KIF16B: variants seen among roughly 807,000 people sequenced by gnomAD.
KIF16B encodes the protein kinesin-like protein KIF16B.
In KIF16B, 98 loss-of-function variants were observed where a neutral mutation model predicts 156.3. That is an observed-to-expected ratio of 0.63 (90% confidence interval 0.53 to 0.74). KIF16B has a LOEUF of 0.74. KIF16B is among the 30% of genes least tolerant of loss of function. KIF16B has a pLI of 0.00. For synonymous variants in KIF16B, 564 were observed against 583.7 expected, an observed-to-expected ratio of 0.97 and a Z score of 0.49; for missense variants, 1,421 against 1,606.5, an observed-to-expected ratio of 0.88 and a Z score of 1.97.
chr20:16,567,492 T>C (rs1385548355), intron 1 of KIF16B, among the ~76,000 whole-genome samples: 1 of 152,196 alleles, frequency 6.6e-6, no homozygotes, highest in Non-Finnish European at 1.5e-5. Context: ...CCTGAGGCCA[T>C]GGGCTTCTGT....
chr20:16,522,083 A>C lies in KIF16B; in HGVS notation c.231+4009T>G, dbSNP rs987003939. On this transcript the variant is annotated intron_variant, in intron 3 of 25. Coordinates refer to ENST00000354981, the MANE Select transcript of KIF16B (RefSeq NM_024704.5). ...TGCAAAAACATACCAAATTGTAAAG[A>C]CCATCGACACCATGAAGAAACTGCA... Among the ~76,000 whole-genome samples the C allele has an allele frequency of 9.2e-5, 14 of 152,354 alleles. No homozygotes were observed. In the South Asian group the frequency reaches 2.9e-3, roughly 32 times the overall value.
At chr20:16,453,511 T>C (rs984627341) in intron 12 of KIF16B, among the ~76,000 whole-genome samples, 2 of 151,750 alleles carry the variant, frequency 1.3e-5, no homozygotes, top group African/African-American at 4.8e-5. Context: ...CCAAAGAAGA[T>C]AAAATGGATA....
chr20:16,471,468 T>A (rs1482848516), intron 12 of KIF16B, among the ~76,000 whole-genome samples: 1 of 152,150 alleles, frequency 6.6e-6, no homozygotes, highest in Non-Finnish European at 1.5e-5. Context: ...ACGTGGTAAA[T>A]GGTATAATTT....
At chr20:16,353,986 T>G (rs1436945317) in intron 23 of KIF16B, among the ~76,000 whole-genome samples, 1 of 152,154 alleles carries the variant, frequency 6.6e-6, no homozygotes, top group Admixed American at 6.5e-5. Context: ...GAACTTGCTT[T>G]GAGAAATGCA....
In KIF16B at chr20:16,431,868, TATATATAC is replaced by T. The variant is rs542944786; in HGVS notation, c.1303-1894_1303-1887del. Among the ~76,000 whole-genome samples the T allele has an allele frequency of 4.3e-3, 618 of 143,996 alleles. 3 individuals are homozygous for T. Among genetic ancestry groups the T allele is most frequent in the Middle Eastern group, 0.022 (6 of 276 alleles). 94.5% of individuals were successfully genotyped at this position (143,996 alleles called of 152,430 possible). A position where few individuals can be genotyped will look rare whatever the true frequency, so the allele number is the denominator to read the frequency against. On this transcript the variant is annotated intron_variant, in intron 12 of 25. Coordinates refer to ENST00000354981, the MANE Select transcript of KIF16B (RefSeq NM_024704.5). ...GGGAATGGCTATTAGTGTGTATATA[TATATATAC>T]ATATATATATATACTATCCATTTAT...
chr20:16,289,390 T>G (rs528337675), intron 25 of KIF16B, among the ~76,000 whole-genome samples: 1 of 152,190 alleles, frequency 6.6e-6, no homozygotes, highest in Non-Finnish European at 1.5e-5. Context: ...TTTTAAATGT[T>G]TGGAAACACA....
chr20:16,311,415 G>T (rs984978742), intron 25 of KIF16B, among the ~76,000 whole-genome samples: 1 of 152,214 alleles, frequency 6.6e-6, no homozygotes, highest in Non-Finnish European at 1.5e-5. Flanking sequence ...TTGAATCTGA[G>T]GGGTGGAGGT....
intron 15 of KIF16B, among the ~76,000 whole-genome samples, chr20:16,406,899 A>G (rs1600310257): frequency 6.6e-6 from 1 of 152,264 alleles, no homozygotes; most frequent in East Asian, 1.9e-4. Context: ...TTCAAAAGAA[A>G]ACGTATGGAA....
At chr20:16,325,969 G>C (rs1450488049) in intron 24 of KIF16B, among the ~76,000 whole-genome samples, 1 of 152,082 alleles carries the variant, frequency 6.6e-6, no homozygotes, top group Non-Finnish European at 1.5e-5. Flanking sequence ...CAACACAACA[G>C]AATAGAGAAC....
chr20:16,558,739 A>G (rs183594988), intron 1 of KIF16B, among the ~76,000 whole-genome samples: 1 of 152,262 alleles, frequency 6.6e-6, no homozygotes, highest in East Asian at 1.9e-4. Context: ...CCCTGTTTCC[A>G]TTAAAAATAC....
chr20:16,556,520 G>A (rs1289951048), intron 1 of KIF16B, among the ~76,000 whole-genome samples: 1 of 152,116 alleles, frequency 6.6e-6, no homozygotes, highest in African/African-American at 2.4e-5. Context: ...TGCCCCCTGG[G>A]ATTCTGTTCT....
intron 12 of KIF16B, among the ~76,000 whole-genome samples, chr20:16,433,641 C>T (rs2066565809): frequency 6.6e-6 from 1 of 151,454 alleles, no homozygotes; most frequent in South Asian, 2.1e-4. Context: ...ACATACACTT[C>T]CATATATATA....
chr20:16,562,713 CAA>C (rs1167827828), intron 1 of KIF16B, among the ~76,000 whole-genome samples: 2 of 152,116 alleles, frequency 1.3e-5, no homozygotes, highest in African/African-American at 2.4e-5. Context: ...AATAAGCAAA[CAA>C]AAATATATTC....
intron 24 of KIF16B, among the ~76,000 whole-genome samples, chr20:16,312,748 G>GTTTGTTCTT (rs1237955296): frequency 3.4e-5 from 5 of 147,168 alleles, no homozygotes; most frequent in Admixed American, 6.8e-5. Flanking sequence ...TAAAACACAT[G>GTTTGTTCTT]TTTGTTCTTC....
At chr20:16,383,618 T>G (rs1415372671) in intron 17 of KIF16B, among the ~76,000 whole-genome samples, 1 of 152,258 alleles carries the variant, frequency 6.6e-6, no homozygotes, top group Admixed American at 6.5e-5. Context: ...TGATCATTTC[T>G]TTTTATTTAA....
intron 1 of KIF16B, among the ~76,000 whole-genome samples, chr20:16,568,373 G>C (rs915411955): frequency 6.6e-6 from 1 of 152,138 alleles, no homozygotes; most frequent in Non-Finnish European, 1.5e-5. Flanking sequence ...TTAAATACTT[G>C]TTTTTGAATA....
chr20:16,403,976 T>C (rs2065719713), intron 17 of KIF16B, among the ~76,000 whole-genome samples: 1 of 152,208 alleles, frequency 6.6e-6, no homozygotes. Flanking sequence ...ACTATGAAAC[T>C]GACGGAGAGC....
chr20:16,461,463 A>T (rs2067343374), intron 12 of KIF16B, among the ~76,000 whole-genome samples: 1 of 152,196 alleles, frequency 6.6e-6, no homozygotes, highest in Non-Finnish European at 1.5e-5. Flanking sequence ...TATACATGAA[A>T]AAAATTAAGT....
intron 12 of KIF16B, among the ~76,000 whole-genome samples, chr20:16,480,136 T>A (rs1181272150): frequency 1.3e-5 from 2 of 152,132 alleles, no homozygotes; most frequent in Non-Finnish European, 2.9e-5. Context: ...ATATTCTGTA[T>A]AGATGTAATA....
Sources: allele counts gnomAD v4.1 joint callset (sites outside exome capture counted in the v4.1 genomes callset), GRCh38; gene constraint gnomAD v4.1.1; transcripts MANE v1.5; gene names NCBI Gene and HGNC (gene_info 2026-07-23, HGNC 2026-07-21).